The following PUDP variants were observed in gnomAD, a reference collection of about 807,000 sequenced individuals.
PUDP encodes the protein pseudouridine-5'-phosphatase.
Under a neutral mutation model 9.4 loss-of-function variants are expected in PUDP, and 8 were observed. The observed-to-expected ratio is 0.85, with a 90% CI of 0.50 to 1.53. PUDP has a LOEUF of 1.53. Ranked by LOEUF, PUDP falls within the 40% of genes most tolerant of loss-of-function variation. PUDP has a pLI of 0.00. For synonymous variants in PUDP, 99 were observed against 80.7 expected, an observed-to-expected ratio of 1.23 and a Z score of -1.22; for missense variants, 188 against 189.7, an observed-to-expected ratio of 0.99 and a Z score of 0.05.
chrX:7,033,718 C>T (rs988988316), intron 1 of PUDP, among the ~76,000 whole-genome samples: 1 of 111,130 alleles, frequency 9.0e-6, no homozygotes, highest in African/African-American at 3.3e-5. Flanking sequence ...GTGGTGATGA[C>T]AAAGCTCAGG....
intron 3 of PUDP, among the ~76,000 whole-genome samples, chrX:6,797,897 T>C (rs190336507): frequency 2.0e-4 from 22 of 112,420 alleles, no homozygotes; most frequent in Admixed American, 1.6e-3. Flanking sequence ...ATGATGATGA[T>C]AGCTGAGGTG....
At chrX:6,891,853 A>G (rs1927521580) in intron 3 of PUDP, among the ~76,000 whole-genome samples, 1 of 111,871 alleles carries the variant, frequency 8.9e-6, no homozygotes, top group Non-Finnish European at 1.9e-5. Flanking sequence ...CAGAGGTCCT[A>G]TGGTCCAAGG....
intron 3 of PUDP, among the ~76,000 whole-genome samples, chrX:6,960,458 C>T (rs1339828861): frequency 6.3e-5 from 7 of 111,932 alleles, no homozygotes; most frequent in African/African-American, 1.6e-4. Context: ...ACCCTCTTTG[C>T]CCTTTCACTT....
At chrX:6,892,881 A>G (rs2146747001) in intron 3 of PUDP, among the ~76,000 whole-genome samples, 1 of 111,807 alleles carries the variant, frequency 8.9e-6, no homozygotes, top group South Asian at 3.8e-4. Flanking sequence ...ACCAGAAACC[A>G]ACTCTACTGA....
chrX:7,055,803 G>T (rs1930226821), intron 3 of PUDP, among the ~76,000 whole-genome samples: 1 of 111,860 alleles, frequency 8.9e-6, no homozygotes, highest in African/African-American at 3.2e-5. Context: ...AAGAATATAA[G>T]CTAAATACAG....
At chrX:6,789,874 G>GATA in intron 3 of PUDP, among the ~76,000 whole-genome samples, 1 of 63,196 alleles carries the variant, frequency 1.6e-5, no homozygotes, top group Admixed American at 1.8e-4. Context: ...ATTGATAGAT[G>GATA]ATAGATATAT....
chrX:7,022,187 T>C (rs1569141128), intron 1 of PUDP, among the ~76,000 whole-genome samples: 1 of 111,351 alleles, frequency 9.0e-6, no homozygotes, highest in East Asian at 2.8e-4. Flanking sequence ...CCACAGCTGT[T>C]TTAACCATGC....
intron 3 of PUDP, among the ~76,000 whole-genome samples, chrX:6,973,623 A>G (rs759619781): frequency 6.3e-5 from 7 of 111,805 alleles, no homozygotes; most frequent in Non-Finnish European, 1.1e-4. Flanking sequence ...TTTTACTTCC[A>G]ATTATGTGGT....
At chrX:6,890,177 G>A (rs914221677) in intron 3 of PUDP, among the ~76,000 whole-genome samples, 1 of 111,794 alleles carries the variant, frequency 8.9e-6, no homozygotes, top group Admixed American at 9.5e-5. Flanking sequence ...CCCCACTGTG[G>A]CAGACCAAGT....
chrX:6,919,650 T>C lies in PUDP; in HGVS notation c.*247+57483A>G, dbSNP rs747814190. On this transcript the variant is annotated intron_variant and NMD_transcript_variant, in intron 3 of 3. Transcript: ENST00000655425. ...AGAAAGTAGGTGGCCAAAACTGTGA[T>C]TGTACTGAGGGGATGCTGAATATTT... Among the ~76,000 whole-genome samples the C allele has an allele frequency of 3.7e-5, 4 of 108,856 alleles. No individual in the cohort carries two copies. The South Asian group carries it at 1.6e-3, about 43-fold the overall frequency. The allele number at this position is 108,856 out of a possible 115,157, so 94.5% of individuals were successfully genotyped here.
At chrX:7,020,674 G>A (rs776116476) in intron 1 of PUDP, among the ~76,000 whole-genome samples, 46 of 112,299 alleles carry the variant, frequency 4.1e-4, no homozygotes, top group Non-Finnish European at 7.9e-4. Flanking sequence ...TTTGTCACTC[G>A]GGGAAGGCCC....
intron 1 of PUDP, among the ~76,000 whole-genome samples, chrX:7,119,102 T>C (rs1932269956): frequency 8.9e-6 from 1 of 112,214 alleles, no homozygotes; most frequent in African/African-American, 3.2e-5. Context: ...AATGACCTAT[T>C]ATCTAAGAAA....
chrX:6,914,429 C>T (rs1057263100), intron 3 of PUDP, among the ~76,000 whole-genome samples: 9 of 111,549 alleles, frequency 8.1e-5, no homozygotes, highest in Non-Finnish European at 1.9e-5. Context: ...ATTTCCTTTT[C>T]GCGACGCAGT....
chrX:6,862,628 T>C (rs1020570598), intron 3 of PUDP, among the ~76,000 whole-genome samples: 1 of 111,972 alleles, frequency 8.9e-6, no homozygotes, highest in Non-Finnish European at 1.9e-5. Flanking sequence ...AAGTTCTCTA[T>C]AGGAAGACAA....
chrX:6,821,945 T>C (rs1433025241), intron 3 of PUDP, among the ~76,000 whole-genome samples: 2 of 111,968 alleles, frequency 1.8e-5, no homozygotes, highest in Non-Finnish European at 3.8e-5. Context: ...CTTTGTGTAC[T>C]GTGTAAACGG....
intron 3 of PUDP, among the ~76,000 whole-genome samples, chrX:7,055,262 T>C (rs1232796071): frequency 9.0e-6 from 1 of 111,237 alleles, no homozygotes; most frequent in Non-Finnish European, 1.9e-5. Flanking sequence ...TTTTTTTTGT[T>C]GTTTTTTGAG....
At chrX:6,898,338 A>G (rs1927623167) in intron 3 of PUDP, among the ~76,000 whole-genome samples, 1 of 112,954 alleles carries the variant, frequency 8.9e-6, no homozygotes, top group African/African-American at 3.2e-5. Context: ...AGACATGTCA[A>G]GATTCATCGA....
intron 2 of PUDP, among the ~76,000 whole-genome samples, chrX:7,082,864 A>C (rs2146873720): frequency 8.9e-6 from 1 of 112,936 alleles, no homozygotes; most frequent in South Asian, 3.6e-4. Context: ...TGTGTGACTG[A>C]GAGCAGTGGG....
At chrX:7,066,142 C>T (rs1433462745) in intron 3 of PUDP, among the ~76,000 whole-genome samples, 2 of 111,717 alleles carry the variant, frequency 1.8e-5, no homozygotes, top group East Asian at 5.6e-4. Flanking sequence ...TGTCTGAAAC[C>T]TTGCTATCAA....
Sources: allele counts gnomAD v4.1 joint callset (sites outside exome capture counted in the v4.1 genomes callset), GRCh38; gene constraint gnomAD v4.1.1; transcripts MANE v1.5; gene names NCBI Gene and HGNC (gene_info 2026-07-23, HGNC 2026-07-21).